The following MICALL2 variants were observed in gnomAD, a reference collection of about 807,000 sequenced individuals.
The protein encoded by MICALL2 is MICAL-like protein 2.
MICALL2 carries 111 observed loss-of-function variants against 91.1 expected under a neutral mutation model. The ratio of observed to expected loss-of-function variants is 1.22; its 90% CI spans 1.04 to 1.43. The LOEUF is 1.43. MICALL2 is among the 40% of genes most tolerant of loss of function. MICALL2 has a pLI of 0.00. For missense variants in MICALL2, 1,556 were observed against 1,236.0 expected, an observed-to-expected ratio of 1.26 and a Z score of -3.88; for synonymous variants, 694 against 525.3, an observed-to-expected ratio of 1.32 and a Z score of -4.39.
At chr7:1,444,595 C>A (rs2128522252) in intron 6 of MICALL2, 57 bp downstream of exon 6, 2 of 1,535,294 alleles carry the variant, frequency 1.3e-6, no homozygotes, top group Non-Finnish European at 1.7e-6. Context: ...CCTCCGGGGC[C>A]CCGCTGGCTG....
At chr7:1,450,604 A>C in intron 1 of MICALL2, 1 of 348,036 alleles carries the variant, frequency 2.9e-6, no homozygotes, top group South Asian at 3.0e-5. Context: ...AGGTGAGGTC[A>C]CCAGCCCAGG....
intron 1 of MICALL2, among the ~76,000 whole-genome samples, chr7:1,458,972 C>A (rs1490543074): frequency 6.6e-6 from 1 of 152,130 alleles, no homozygotes; most frequent in Non-Finnish European, 1.5e-5. Flanking sequence ...AGCCGGCGGG[C>A]GGGGGATGCC....
Position 1,440,652 on chromosome 7 carries a change from C to T in MICALL2, c.1744G>A (p.Asp582Asn). 6.2e-7 allele frequency: 1 copy of T among 1,612,592 alleles called. No individual in the cohort carries two copies. Among genetic ancestry groups the T allele is most frequent in the Non-Finnish European group, 8.5e-7 (1 of 1,179,938 alleles). ...MSTSLQEGQE[D>N]GPAGWRANLK... Reference sequence around the variant, plus strand: ...TTCGCTCTCCATCCTGCCGGCCCGTCCTCCTGGCCTTCCTGGAGGCTGGTG... The same window carrying T: ...TTCGCTCTCCATCCTGCCGGCCCGTTCTCCTGGCCTTCCTGGAGGCTGGTG... Residue 582 changes from aspartate (D) to asparagine (N), a missense_variant, in exon 8 of 17, where the codon GAC becomes AAC. Physicochemically the swap from Asp to Asn is conservative, Grantham distance 23. Coordinates refer to ENST00000297508, the MANE Select transcript of MICALL2 (RefSeq NM_182924.4).
intron 5 of MICALL2, 152 bp downstream of exon 5, chr7:1,446,556 GGGAGA>G: frequency 1.7e-6 from 1 of 573,056 alleles, no homozygotes; most frequent in Non-Finnish European, 3.1e-6. Context: ...GCGGGAGGAG[GGGAGA>G]CGGGGAGGGG....
chr7:1,435,106 T>C lies in MICALL2; in HGVS notation c.2633A>G (p.Lys878Arg). 2.5e-6 allele frequency: 4 copies of C among 1,613,164 alleles called. No homozygotes were observed. The highest frequency in any genetic ancestry group is 3.4e-6 in the Non-Finnish European group (4 of 1,179,912). ...EDQMLRDMIE[K>R]LGLQRKKSKF... ...AGCATCCCCGGCCCAGTCACCCAGC[T>C]TCTCAATCATGTCCCGCAGCATCTG... is the stretch of plus-strand genomic sequence containing the variant. The change falls in exon 16 of 17, where the codon AAG (lysine) becomes AGG (arginine). Residue 878 changes from lysine (K) to arginine (R), a missense_variant. Physicochemically the swap from Lys to Arg is conservative, Grantham distance 26 (BLOSUM62 2). Transcript: ENST00000297508.
At position 1,452,054 on chromosome 7, in the gene MICALL2, C is replaced by A. The variant is rs1457697592; in HGVS notation, c.144-1766G>T. On this transcript the variant is annotated intron_variant, in intron 1 of 16. Transcript: ENST00000297508. This position sits in a 1 kb window ranked among gnomAD's most constrained non-coding sequence, Gnocchi z 6.2. ...AGCCCCCGCCCCGTCCGCCTGCAGCCCTGCCGTCCATCAATCTGCTGGGAT... is the reference window on the plus strand; with the variant it reads ...AGCCCCCGCCCCGTCCGCCTGCAGCACTGCCGTCCATCAATCTGCTGGGAT... 6.6e-6 allele frequency among the ~76,000 whole-genome samples: 1 copy of A among 152,186 alleles called. No individual in the cohort carries two copies. The highest frequency in any genetic ancestry group is 2.4e-5 in the African/African-American group (1 of 41,450).
At chr7:1,446,616 C>T (rs1354539509) in intron 5 of MICALL2, 97 bp downstream of exon 5, 11 of 652,060 alleles carry the variant, frequency 1.7e-5, no homozygotes, top group Middle Eastern at 3.9e-4. Context: ...GAACGAGGAG[C>T]GGGGAGGAGG....
chr7:1,446,050 G>T (rs1314930688), intron 5 of MICALL2, among the ~76,000 whole-genome samples: 3 of 145,474 alleles, frequency 2.1e-5, no homozygotes, highest in Admixed American at 2.1e-4. Context: ...TCTGGACGGG[G>T]GCACTGGGGG....
chr7:1,442,291 T>C lies in MICALL2; in HGVS notation c.1612A>G (p.Asn538Asp). The change falls in exon 7 of 17, where the codon AAC becomes GAC. Residue 538 changes from asparagine (N) to aspartate (D), a missense_variant. Coordinates refer to ENST00000297508, the MANE Select transcript of MICALL2 (RefSeq NM_182924.4). ...CCGACCCCTGAGGATTCCGCCAAGT[T>C]CCTCCTGCCTGCCGGGGGCAACGCG... Reference protein sequence around the residue: ...ASALPPAGRRNLAESSGVGRV... With the variant: ...ASALPPAGRRDLAESSGVGRV... The C allele has an allele frequency of 6.2e-7, 1 of 1,612,984 alleles. No individual in the cohort carries two copies. Among genetic ancestry groups the C allele is most frequent in the Non-Finnish European group, 8.5e-7 (1 of 1,179,920 alleles).
intron 15 of MICALL2, among the ~76,000 whole-genome samples, chr7:1,435,949 A>G (rs908092845): frequency 2.0e-5 from 3 of 151,742 alleles, no homozygotes; most frequent in South Asian, 2.1e-4. Context: ...CTACTTGGGA[A>G]GCTGAGGCAG....
intron 8 of MICALL2, chr7:1,440,310 GC>G: frequency 1.6e-6 from 1 of 640,622 alleles, no homozygotes; most frequent in Non-Finnish European, 2.7e-6. Flanking sequence ...TGAGCTCCGG[GC>G]CCCACGGGAC....
At position 1,444,561 on chromosome 7, in the gene MICALL2, G is replaced by A. The variant is rs551615913; in HGVS notation, c.1418+91C>T. 133 of 1,275,814 alleles carry A rather than the reference G, an allele frequency of 1.0e-4. No individual in the cohort carries two copies. In the South Asian group the frequency reaches 1.8e-3, roughly 18 times the overall value. The allele number at this position is 1,275,814 out of a possible 1,614,324, so 79.0% of individuals were successfully genotyped here. A position where few individuals can be genotyped will look rare whatever the true frequency, so the allele number is the denominator to read the frequency against. On this transcript the variant is annotated intron_variant, in intron 6 of 16. Transcript: ENST00000297508. ...TCCCCAAGGCCACACAGCCAGGGAGGTGCAGCGCCCCCAACCCCTCTGGCC... is the reference window on the plus strand; with the variant it reads ...TCCCCAAGGCCACACAGCCAGGGAGATGCAGCGCCCCCAACCCCTCTGGCC...
At chr7:1,437,788 A>G (rs1481060102) in intron 13 of MICALL2, 102 bp downstream of exon 13, 4 of 1,273,772 alleles carry the variant, frequency 3.1e-6, no homozygotes, top group Non-Finnish European at 4.5e-6. Flanking sequence ...CCGCACAGAC[A>G]TGCATCTGAG....
chr7:1,451,816 C>T lies in MICALL2; in HGVS notation c.144-1528G>A, dbSNP rs537509217. ...TCAAACGGAGAAGTGGGGGCCGAGACCCCTGTGGCCACGCAGCCTGGGCGG... is the reference window on the plus strand; with the variant it reads ...TCAAACGGAGAAGTGGGGGCCGAGATCCCTGTGGCCACGCAGCCTGGGCGG... On this transcript the variant is annotated intron_variant, in intron 1 of 16. Transcript: ENST00000297508. This position sits in a 1 kb window ranked among gnomAD's most constrained non-coding sequence, Gnocchi z 4.5. Among the ~76,000 whole-genome samples the T allele has an allele frequency of 5.1e-4, 78 of 152,372 alleles. No individual in the cohort carries two copies. Among genetic ancestry groups the T allele is most frequent in the Non-Finnish European group, 6.0e-4 (41 of 68,032 alleles).
intron 7 of MICALL2, 147 bp downstream of exon 7, chr7:1,442,045 G>A (rs910738088): frequency 1.5e-5 from 14 of 918,252 alleles, no homozygotes; most frequent in African/African-American, 4.9e-5. Context: ...AGGAGGCTGC[G>A]AGCAGGTGTC....
intron 9 of MICALL2, 177 bp from the exon 10 acceptor site, chr7:1,439,172 C>T: frequency 1.7e-6 from 1 of 578,392 alleles, no homozygotes; most frequent in Non-Finnish European, 3.0e-6. Flanking sequence ...CCCAACCTGG[C>T]CATGTCTCCC....
At position 1,435,121 on chromosome 7, in the gene MICALL2, C is replaced by T. The variant is rs759962897; in HGVS notation, c.2618G>A (p.Arg873Gln). 2.9e-5 allele frequency: 46 copies of T among 1,613,474 alleles called. No individual in the cohort carries two copies. The highest frequency in any genetic ancestry group is 6.7e-5 in the African/African-American group (5 of 74,916). The change falls in exon 16 of 17, where the codon CGG becomes CAG. Residue 873 changes from arginine (R) to glutamine (Q), a missense_variant. Coordinates refer to ENST00000297508, the MANE Select transcript of MICALL2 (RefSeq NM_182924.4). The stretch of plus-strand genomic sequence containing the variant: ...GTCACCCAGCTTCTCAATCATGTCC[C>T]GCAGCATCTGATCCTCCTCTTGTTC... ...LREQEEDQML[R>Q]DMIEKLGLQR...
intron 1 of MICALL2, among the ~76,000 whole-genome samples, chr7:1,456,328 C>A (rs1781014944): frequency 6.6e-6 from 1 of 152,142 alleles, no homozygotes; most frequent in Non-Finnish European, 1.5e-5. Flanking sequence ...GCGCCCATAA[C>A]CCCAGAACTT....
intron 6 of MICALL2, among the ~76,000 whole-genome samples, 167 bp downstream of exon 6, chr7:1,444,485 G>A (rs1387243025): frequency 1.3e-5 from 2 of 152,188 alleles, no homozygotes; most frequent in Non-Finnish European, 2.9e-5. Context: ...CTGCCACCCT[G>A]GCTCCTCCTC....
Sources: allele counts gnomAD v4.1 joint callset (sites outside exome capture counted in the v4.1 genomes callset), GRCh38; gene constraint gnomAD v4.1.1; non-coding constraint Gnocchi (gnomAD v3.1); transcripts MANE v1.5; gene names NCBI Gene and HGNC (gene_info 2026-07-23, HGNC 2026-07-21).